The following GPS1 variants were observed in gnomAD, a reference collection of about 807,000 sequenced individuals.
The protein encoded by GPS1 is G protein pathway suppressor 1.
A neutral mutation model predicts 60.0 loss-of-function variants in GPS1; 11 were observed. That is an observed-to-expected ratio of 0.18 (90% CI 0.12 to 0.30). The LOEUF (loss-of-function observed/expected upper bound fraction) is 0.30. GPS1 is among the 10% of genes least tolerant of loss of function. The probability of loss-of-function intolerance (pLI) is 1.00; values close to 1 mark genes in which losing one functional copy is unlikely to be tolerated. For synonymous variants in GPS1, 343 were observed against 269.8 expected (o/e 1.27, Z -2.66); for missense variants, 543 against 669.2 (o/e 0.81, Z 2.08).
intron 12 of GPS1, 32 bp downstream of exon 12, chr17:82,057,006 G>A: frequency 6.2e-7 from 1 of 1,612,022 alleles, no homozygotes; most frequent in Non-Finnish European, 8.5e-7. Flanking sequence ...CAGGCGCACG[G>A]CGTGTGGGGC....
chr17:82,057,124 G>A lies in GPS1; in HGVS notation c.1461G>A (p.Met487Ile). The A allele has an allele frequency of 2.5e-6, 4 of 1,570,568 alleles. No individual in the cohort carries two copies. Among genetic ancestry groups the A allele is most frequent in the Non-Finnish European group, 3.5e-6 (4 of 1,156,304 alleles). Residue 487 changes from methionine to isoleucine, a missense_variant, in exon 13 of 13, where the codon ATG (methionine) becomes ATA (isoleucine). By Grantham distance (10) the Met-to-Ile change is conservative. Coordinates refer to ENST00000578552, the MANE Select transcript of GPS1 (RefSeq NM_001321092.3). Reference sequence around the variant, plus strand: ...GCCAGTCCCGGATGAGCACCAACATGTGAGGGGTGAACCTTGGCCTCCAGG... The same window carrying A: ...GCCAGTCCCGGATGAGCACCAACATATGAGGGGTGAACCTTGGCCTCCAGG... ...ANSQSRMSTN[M>I]
chr17:82,051,003 C>T (rs1465807207), upstream of GPS1: 12 of 1,412,466 alleles, frequency 8.5e-6, no homozygotes, highest in Admixed American at 3.7e-4. The surrounding 1 kb of genome is among the most constrained non-coding windows in gnomAD (Gnocchi z 4.1). Flanking sequence ...GGAGGCAGCT[C>T]GCCCTGACCT....
upstream of GPS1, chr17:82,051,806 G>T (rs2144264774): frequency 1.8e-6 from 2 of 1,132,304 alleles, no homozygotes; most frequent in African/African-American, 3.3e-5. This position sits in a 1 kb window ranked among gnomAD's most constrained non-coding sequence, Gnocchi z 4.1. Flanking sequence ...CGGAGAACCT[G>T]GCCGGAGCCG....
rs1393773322 is a variant in GPS1 at position 82,053,938 on chromosome 17, A to G, written c.197A>G (p.His66Arg). The change falls in exon 3 of 13, where the codon CAC becomes CGC. Residue 66 changes from histidine (H) to arginine (R), a missense_variant. Transcript: ENST00000578552. ...GAACGGCTGCAGTTCATTGCTGATCACTGCCCCACGCTGCGGGTGGAGGCC... is the reference window on the plus strand; with the variant it reads ...GAACGGCTGCAGTTCATTGCTGATCGCTGCCCCACGCTGCGGGTGGAGGCC... Reference protein sequence around the residue: ...RIERLQFIADHCPTLRVEALK... With the variant: ...RIERLQFIADRCPTLRVEALK... 3 of 1,612,970 alleles carry G rather than the reference A, an allele frequency of 1.9e-6. No individual in the cohort carries two copies. Among genetic ancestry groups the G allele is most frequent in the Non-Finnish European group, 1.7e-6 (2 of 1,179,950 alleles).
upstream of GPS1, chr17:82,051,887 G>A (rs1234029304): frequency 1.7e-6 from 2 of 1,156,660 alleles, no homozygotes; most frequent in Non-Finnish European, 2.1e-6. The surrounding 1 kb of genome is among the most constrained non-coding windows in gnomAD (Gnocchi z 4.1). Flanking sequence ...CGACGGCTTC[G>A]CTGCCCCGGA....
chr17:82,051,316 G>C, upstream of GPS1: 3 of 1,442,832 alleles, frequency 2.1e-6, no homozygotes, highest in Non-Finnish European at 2.7e-6. This position sits in a 1 kb window ranked among gnomAD's most constrained non-coding sequence, Gnocchi z 4.1. Flanking sequence ...CGAGCTCAGG[G>C]TCGTCCCCGT....
At chr17:82,051,536 C>T, upstream of GPS1, 1 of 1,399,938 alleles carries the variant, frequency 7.1e-7, no homozygotes, top group Non-Finnish European at 9.3e-7. The surrounding 1 kb of genome is among the most constrained non-coding windows in gnomAD (Gnocchi z 4.1). Context: ...TGCGCAGCAG[C>T]AGCCGCAGGC....
rs757247683 is a variant in GPS1, at chr17:82,051,984, C to A, written c.33+20C>A. 3.9e-4 allele frequency: 448 copies of A among 1,155,582 alleles called. No homozygotes were observed. Among genetic ancestry groups the A allele is most frequent in the Non-Finnish European group, 4.6e-4 (432 of 938,186 alleles). 71.6% of individuals were successfully genotyped at this position (1,155,582 alleles called of 1,614,324 possible). A position where few individuals can be genotyped will look rare whatever the true frequency, so the allele number is the denominator to read the frequency against. ...TTGCAGGTAACGAGCCGAGGCCGCCCCGGGCCTCCGCGCCCCCGCGCCCCC... is the reference window on the plus strand; with the variant it reads ...TTGCAGGTAACGAGCCGAGGCCGCCACGGGCCTCCGCGCCCCCGCGCCCCC... On this transcript the variant is annotated intron_variant, in intron 1 of 12. Coordinates refer to ENST00000578552, the MANE Select transcript of GPS1 (RefSeq NM_001321092.3). The surrounding 1 kb of genome is among the most constrained non-coding windows in gnomAD (Gnocchi z 4.1).
chr17:82,051,846 A>G, upstream of GPS1: 11 of 1,140,570 alleles, frequency 9.6e-6, no homozygotes, highest in East Asian at 4.0e-5. This position sits in a 1 kb window ranked among gnomAD's most constrained non-coding sequence, Gnocchi z 4.1. Flanking sequence ...TTAAGAACGC[A>G]GCGGCCCCGC....
chr17:82,053,112 G>T, intron 1 of GPS1, 162 bp from the exon 2 acceptor site: 1 of 472,818 alleles, frequency 2.1e-6, no homozygotes, highest in Non-Finnish European at 3.6e-6. Flanking sequence ...GTGGGGGCGG[G>T]GGTGACTGGG....
At chr17:82,051,340 C>T, upstream of GPS1, 1 of 1,463,738 alleles carries the variant, frequency 6.8e-7, no homozygotes, top group East Asian at 2.8e-5. The surrounding 1 kb of genome is among the most constrained non-coding windows in gnomAD (Gnocchi z 4.1). Context: ...TGAAGATAAA[C>T]GTCTGGGGGA....
chr17:82,057,207 G>C lies in GPS1; in HGVS notation c.*80G>C. On this transcript the variant is annotated 3_prime_UTR_variant, in exon 13 of 13. Coordinates refer to ENST00000578552, the MANE Select transcript of GPS1 (RefSeq NM_001321092.3). Reference sequence around the variant, plus strand: ...TCGGACCTCCAGGCGGCTCAGTGCTGCCTGCGGCCCAGCTAAGGGGCCTGG... The same window carrying C: ...TCGGACCTCCAGGCGGCTCAGTGCTCCCTGCGGCCCAGCTAAGGGGCCTGG... 6.4e-7 allele frequency: 1 copy of C among 1,560,672 alleles called. No homozygotes were observed. Among genetic ancestry groups the C allele is most frequent in the Non-Finnish European group, 8.8e-7 (1 of 1,139,016 alleles).
upstream of GPS1, chr17:82,051,880 C>A: frequency 8.7e-7 from 1 of 1,153,880 alleles, no homozygotes; most frequent in Non-Finnish European, 1.1e-6. The surrounding 1 kb of genome is among the most constrained non-coding windows in gnomAD (Gnocchi z 4.1). Context: ...CCGGAAGCGA[C>A]GGCTTCGCTG....
At chr17:82,051,796 C>T (rs2030677538), upstream of GPS1, 3 of 1,124,920 alleles carry the variant, frequency 2.7e-6, no homozygotes, top group Non-Finnish European at 3.3e-6. This position sits in a 1 kb window ranked among gnomAD's most constrained non-coding sequence, Gnocchi z 4.1. Context: ...GCGCTGCGAG[C>T]GGAGAACCTG....
Position 82,056,497 on chromosome 17 carries a change from G to GC in GPS1, c.1069dup (p.His357ProfsTer28). The GC allele has an allele frequency of 1.2e-6, 2 of 1,613,112 alleles. No homozygotes were observed. The highest frequency in any genetic ancestry group is 1.7e-6 in the Non-Finnish European group (2 of 1,179,994). On this transcript the variant is annotated frameshift_variant, in exon 10 of 13. Coordinates refer to ENST00000578552, the MANE Select transcript of GPS1 (RefSeq NM_001321092.3). LOFTEE classifies it high-confidence loss of function. ...CAACCTGCTCCTGGACATGTATCTG[G>GC]CCCCCCATGTCAGGACCCTGTACAC... is the stretch of plus-strand genomic sequence containing the variant.
chr17:82,054,717 G>T lies in GPS1; in HGVS notation c.516G>T (p.Gly172=), dbSNP rs890478605. The change falls in exon 4 of 13, where the codon GGG becomes GGT. Residue 172 remains glycine (G), a synonymous_variant. Transcript: ENST00000578552. ...DDLGDHYLDC[G]DLSNALKCYS... is the part of the protein sequence containing the mutation. ...TGGGCGACCACTACCTGGACTGTGG[G>T]GACCTCAGCAACGCCCTCAAGTGCT... is the stretch of plus-strand genomic sequence containing the variant. The T allele has an allele frequency of 6.2e-7, 1 of 1,612,336 alleles. No individual in the cohort carries two copies. The highest frequency in any genetic ancestry group is 8.5e-7 in the Non-Finnish European group (1 of 1,179,942).
Position 82,055,792 on chromosome 17 carries a change from G to C in GPS1, c.801G>C (p.Leu267=). 1 of 1,565,044 alleles carries C rather than the reference G, an allele frequency of 6.4e-7. No homozygotes were observed. Among genetic ancestry groups the C allele is most frequent in the African/African-American group, 1.4e-5 (1 of 74,010 alleles). The change falls in exon 7 of 13, where the codon CTG becomes CTC. Residue 267 remains leucine (L), a synonymous_variant. Transcript: ENST00000578552. ...RKYKQAAKCL[L]LASFDHCDFP... ...ACAAGCAGGCTGCCAAGTGCCTCCT[G>C]CTGGCTTCCTTTGATCACTGTGACT... is the stretch of plus-strand genomic sequence containing the variant.
chr17:82,051,065 AG>A, upstream of GPS1: 5 of 1,376,474 alleles, frequency 3.6e-6, no homozygotes, highest in Non-Finnish European at 3.7e-6. This position sits in a 1 kb window ranked among gnomAD's most constrained non-coding sequence, Gnocchi z 4.1. Context: ...ACGTGGCACT[AG>A]CCCCACGCCC....
chr17:82,051,801 A>G, upstream of GPS1: 1 of 1,128,078 alleles, frequency 8.9e-7, no homozygotes, highest in Admixed American at 4.9e-5. This position sits in a 1 kb window ranked among gnomAD's most constrained non-coding sequence, Gnocchi z 4.1. Flanking sequence ...GCGAGCGGAG[A>G]ACCTGGCCGG....
Sources: allele counts gnomAD v4.1 joint callset, GRCh38; gene constraint gnomAD v4.1.1; non-coding constraint Gnocchi (gnomAD v3.1); transcripts MANE v1.5; gene names NCBI Gene and HGNC (gene_info 2026-07-23, HGNC 2026-07-21).